The following DRC11 variants were observed in gnomAD, a reference collection of about 807,000 sequenced individuals.
DRC11 encodes IQ and AAA domain-containing protein 1.
chr2:236,386,379 G>C, the DRC11 span, among the ~76,000 whole-genome samples: 19 of 152,100 alleles, frequency 1.2e-4, no homozygotes, highest in East Asian at 3.7e-3. Context: ...CTTCTTCCTG[G>C]TTTAGTCTTG....
At chr2:236,392,034 T>C in the DRC11 span, 75,643 of 1,613,640 alleles carry the variant, frequency 0.047, 2,692 homozygotes, top group African/African-American at 0.17. This position sits in a 1 kb window ranked among gnomAD's most constrained non-coding sequence, Gnocchi z 5.1. Flanking sequence ...CACAGCTAGC[T>C]TTAAGTTTTT....
At chr2:236,421,425 T>C in the DRC11 span, among the ~76,000 whole-genome samples, 558 of 152,168 alleles carry the variant, frequency 3.7e-3, 3 homozygotes, top group African/African-American at 0.012. Context: ...GAGAATACTA[T>C]AAACACCTTT....
At chr2:236,442,005 G>C in the DRC11 span, among the ~76,000 whole-genome samples, 1 of 152,158 alleles carries the variant, frequency 6.6e-6, no homozygotes, top group South Asian at 2.1e-4. Context: ...GAAGGCTGAG[G>C]TGGGAGGATC....
At chr2:236,403,990 C>T in the DRC11 span, among the ~76,000 whole-genome samples, 17 of 151,904 alleles carry the variant, frequency 1.1e-4, no homozygotes, top group Admixed American at 2.6e-4. Flanking sequence ...AACCAGGGGT[C>T]GCCTTCCCAG....
chr2:236,465,559 A>G, the DRC11 span: 5 of 1,613,896 alleles, frequency 3.1e-6, no homozygotes, highest in Non-Finnish European at 4.2e-6. This position sits in a 1 kb window ranked among gnomAD's most constrained non-coding sequence, Gnocchi z 6.2. Flanking sequence ...CTTGATATCC[A>G]CGCCTTCTAT....
the DRC11 span, among the ~76,000 whole-genome samples, chr2:236,468,206 C>T: frequency 2.0e-5 from 3 of 152,142 alleles, no homozygotes; most frequent in Non-Finnish European, 4.4e-5. Context: ...GTCCTCCCAC[C>T]TCAGCCTCCC....
the DRC11 span, chr2:236,419,124 C>G: frequency 6.6e-7 from 1 of 1,510,030 alleles, no homozygotes; most frequent in Non-Finnish European, 8.8e-7. The surrounding 1 kb of genome is among the most constrained non-coding windows in gnomAD (Gnocchi z 4.8). Context: ...AATCAAATTT[C>G]TAAAATTTCA....
At chr2:236,320,292 G>A in the DRC11 span, among the ~76,000 whole-genome samples, 2 of 152,108 alleles carry the variant, frequency 1.3e-5, no homozygotes, top group East Asian at 1.9e-4. Context: ...GCATCATCGC[G>A]TGCTTCTCTT....
the DRC11 span, among the ~76,000 whole-genome samples, chr2:236,452,616 AG>A: frequency 6.6e-6 from 1 of 152,202 alleles, no homozygotes; most frequent in Non-Finnish European, 1.5e-5. This position sits in a 1 kb window ranked among gnomAD's most constrained non-coding sequence, Gnocchi z 4.7. Flanking sequence ...TGGGAAACTG[AG>A]GGGCTCACTA....
At chr2:236,327,973 T>G in the DRC11 span, among the ~76,000 whole-genome samples, 3 of 152,232 alleles carry the variant, frequency 2.0e-5, no homozygotes, top group Non-Finnish European at 4.4e-5. Flanking sequence ...ATATATTTTT[T>G]TCACTATCAA....
chr2:236,471,341 T>C, the DRC11 span, among the ~76,000 whole-genome samples: 1 of 152,158 alleles, frequency 6.6e-6, no homozygotes, highest in Non-Finnish European at 1.5e-5. This position sits in a 1 kb window ranked among gnomAD's most constrained non-coding sequence, Gnocchi z 4.6. Flanking sequence ...AAAATGTGCA[T>C]TTGTAATTGT....
the DRC11 span, among the ~76,000 whole-genome samples, chr2:236,358,415 GA>G: frequency 2.9e-5 from 4 of 136,088 alleles, no homozygotes; most frequent in South Asian, 2.3e-4. Flanking sequence ...AAATATATAT[GA>G]TATATGAATA....
chr2:236,308,439 T>C, the DRC11 span, among the ~76,000 whole-genome samples: 1 of 152,264 alleles, frequency 6.6e-6, no homozygotes, highest in Non-Finnish European at 1.5e-5. This position sits in a 1 kb window ranked among gnomAD's most constrained non-coding sequence, Gnocchi z 6.0. Flanking sequence ...ACATACCCAG[T>C]AGACACAGAT....
chr2:236,353,891 A>G, the DRC11 span, among the ~76,000 whole-genome samples: 6 of 152,142 alleles, frequency 3.9e-5, no homozygotes, highest in Admixed American at 6.5e-5. The surrounding 1 kb of genome is among the most constrained non-coding windows in gnomAD (Gnocchi z 5.0). Flanking sequence ...TTCTGTTTAA[A>G]TACTTCATAT....
the DRC11 span, among the ~76,000 whole-genome samples, chr2:236,351,662 T>G: frequency 6.6e-6 from 1 of 151,700 alleles, no homozygotes; most frequent in African/African-American, 2.4e-5. This position sits in a 1 kb window ranked among gnomAD's most constrained non-coding sequence, Gnocchi z 7.3. Flanking sequence ...GTGCTGGCCT[T>G]GGGGAGCAGG....
the DRC11 span, among the ~76,000 whole-genome samples, chr2:236,440,599 G>A: frequency 6.6e-6 from 1 of 152,186 alleles, no homozygotes; most frequent in African/African-American, 2.4e-5. Context: ...TCTTGACAGC[G>A]GAGCAGGAGC....
chr2:236,317,010 G>A, the DRC11 span, among the ~76,000 whole-genome samples: 4 of 152,070 alleles, frequency 2.6e-5, no homozygotes, highest in Non-Finnish European at 4.4e-5. This position sits in a 1 kb window ranked among gnomAD's most constrained non-coding sequence, Gnocchi z 5.4. Flanking sequence ...AATCATAGGC[G>A]CTCAGCCGGG....
At chr2:236,387,965 T>C in the DRC11 span, among the ~76,000 whole-genome samples, 3 of 152,174 alleles carry the variant, frequency 2.0e-5, no homozygotes, top group African/African-American at 7.2e-5. Flanking sequence ...AAAATTCTTT[T>C]CTTTAAGAAT....
chr2:236,507,152 G>C, the DRC11 span: 2 of 1,175,900 alleles, frequency 1.7e-6, no homozygotes, highest in South Asian at 2.6e-5. Flanking sequence ...GTTGAGAGGG[G>C]AGGAGAAAAG....
Sources: gnomAD v4.1 joint callset for allele counts (sites outside exome capture counted in the v4.1 genomes callset) on GRCh38, gnomAD v4.1.1 for gene constraint, Gnocchi (gnomAD v3.1) non-coding constraint, MANE v1.5 for transcripts, NCBI Gene and HGNC (gene_info 2026-07-23, HGNC 2026-07-21) for gene names.